Variants in ACVR2A observed in about 807,000 individuals in gnomAD.
ACVR2A encodes activin A receptor type 2A.
ACVR2A carries 7 observed loss-of-function variants against 61.4 expected under a neutral mutation model. The observed-to-expected ratio is 0.11, with a 90% CI of 0.06 to 0.21. ACVR2A has a LOEUF of 0.21. Ranked by LOEUF, ACVR2A falls within the 10% of genes least tolerant of loss-of-function variation. The pLI is 1.00. For missense variants in ACVR2A, 322 were observed against 621.7 expected (o/e 0.52, Z 5.13); for synonymous variants, 193 against 208.3 (o/e 0.93, Z 0.63).
chr2:147,860,316 G>A lies in ACVR2A; in HGVS notation c.55+15109G>A, dbSNP rs193001369. On this transcript the variant is annotated intron_variant, in intron 1 of 10. Coordinates refer to ENST00000241416, the MANE Select transcript of ACVR2A (RefSeq NM_001616.5). ...GAAACCCAAGTAGCAGGGCCACCTG[G>A]CCACCCAGATGGGTTGGCTGTTCCC... 4.1e-3 allele frequency among the ~76,000 whole-genome samples: 628 copies of A among 152,138 alleles called. 16 individuals carry two copies. Among genetic ancestry groups the A allele is most frequent in the Admixed American group, 0.04 (603 of 15,254 alleles).
chr2:147,900,374 T>A (rs1488194391), intron 4 of ACVR2A: 1 of 152,784 alleles, frequency 6.5e-6, no homozygotes, highest in African/African-American at 2.4e-5. Context: ...TTCAGGAAGA[T>A]ACCTCCATAA....
At position 147,890,328 on chromosome 2, in the gene ACVR2A, G is replaced by A. The variant is rs555537760; in HGVS notation, c.56-5973G>A. 2.1e-4 allele frequency among the ~76,000 whole-genome samples: 28 copies of A among 135,714 alleles called. No homozygotes were observed. In the South Asian group the frequency reaches 7.1e-3, roughly 35 times the overall value. The allele number at this position is 135,714 out of a possible 152,430, so 89.0% of individuals were successfully genotyped here. ...TTCCGTAGTTGAGAGGAAGTCCATG[G>A]CACCATTAGTATAGTGTGTGTGTGT... is the stretch of plus-strand genomic sequence containing the variant. On this transcript the variant is annotated intron_variant, in intron 1 of 10. Coordinates refer to ENST00000241416, the MANE Select transcript of ACVR2A (RefSeq NM_001616.5).
At chr2:147,920,776 G>C (rs1558814680) in intron 8 of ACVR2A, among the ~76,000 whole-genome samples, 1 of 152,032 alleles carries the variant, frequency 6.6e-6, no homozygotes, top group East Asian at 1.9e-4. Context: ...ATTGCTTCTT[G>C]TTGTTTATTG....
chr2:147,899,105 C>T (rs577862561), intron 2 of ACVR2A, among the ~76,000 whole-genome samples: 1 of 152,186 alleles, frequency 6.6e-6, no homozygotes, highest in South Asian at 2.1e-4. Flanking sequence ...AGCAAAAGCA[C>T]TCTTTGACCA....
chr2:147,895,649 G>A (rs939094292), intron 1 of ACVR2A, among the ~76,000 whole-genome samples: 20 of 152,088 alleles, frequency 1.3e-4, no homozygotes, highest in African/African-American at 4.8e-5. Context: ...AACAGAAGGT[G>A]TAAACTTACA....
intron 6 of ACVR2A, among the ~76,000 whole-genome samples, chr2:147,917,676 C>T (rs1687281714): frequency 6.6e-6 from 1 of 151,942 alleles, no homozygotes; most frequent in East Asian, 1.9e-4. Context: ...ATTTCTTGTG[C>T]TGTAATTACT....
intron 9 of ACVR2A, among the ~76,000 whole-genome samples, chr2:147,924,819 A>G (rs1025740767): frequency 6.6e-6 from 1 of 151,894 alleles, no homozygotes; most frequent in Non-Finnish European, 1.5e-5. Context: ...GAAGCCTGAG[A>G]GTCTACATTT....
chr2:147,858,894 A>AT (rs1291568531), intron 1 of ACVR2A, among the ~76,000 whole-genome samples: 3 of 151,750 alleles, frequency 2.0e-5, no homozygotes, highest in Non-Finnish European at 2.9e-5. Context: ...TATTATTTTG[A>AT]TTTTTTTTCA....
chr2:147,913,212 T>C lies in ACVR2A; in HGVS notation c.529-1979T>C, dbSNP rs1573704403. Among the ~76,000 whole-genome samples the C allele has an allele frequency of 2.0e-5, 3 of 151,974 alleles. No individual in the cohort carries two copies. The South Asian group carries it at 6.2e-4, about 31-fold the overall frequency. On this transcript the variant is annotated intron_variant, in intron 4 of 10. Transcript: ENST00000241416. The stretch of plus-strand genomic sequence containing the variant: ...ATTAAATAATCTATATCTTACAGAC[T>C]GAATCATATTCATGTTGTTGATGTC...
intron 4 of ACVR2A, among the ~76,000 whole-genome samples, chr2:147,900,845 A>C (rs1354313085): frequency 1.3e-5 from 2 of 152,036 alleles, no homozygotes; most frequent in African/African-American, 4.8e-5. Context: ...ACTTGATAGA[A>C]AAAAATGGCA....
intron 1 of ACVR2A, among the ~76,000 whole-genome samples, chr2:147,870,983 T>C (rs1190214287): frequency 6.6e-6 from 1 of 152,138 alleles, no homozygotes; most frequent in African/African-American, 2.4e-5. Flanking sequence ...TATAAATTAT[T>C]TTCAATAAAT....
Position 147,899,547 on chromosome 2 carries a change from C to T in ACVR2A, c.353C>T (p.Pro118Leu), listed in dbSNP as rs1686822430. 1 of 1,612,906 alleles carries T rather than the reference C, an allele frequency of 6.2e-7. No individual in the cohort carries two copies. Among genetic ancestry groups the T allele is most frequent in the Non-Finnish European group, 8.5e-7 (1 of 1,179,326 alleles). Residue 118 changes from proline (P) to leucine (L), a missense_variant, in exon 3 of 11, where the codon CCG becomes CTG. This residue lies in a region of ACVR2A where 142 missense variants were observed against 200.3 expected (regional missense o/e 0.71). Coordinates refer to ENST00000241416, the MANE Select transcript of ACVR2A (RefSeq NM_001616.5). Reference protein sequence around the residue: ...NMCNEKFSYFPEMEVTQPTSN... With the variant: ...NMCNEKFSYFLEMEVTQPTSN... Reference sequence around the variant, plus strand: ...TGTAATGAAAAGTTTTCTTATTTTCCGGAGATGGAAGTCACACAGCGTAAG... The same window carrying T: ...TGTAATGAAAAGTTTTCTTATTTTCTGGAGATGGAAGTCACACAGCGTAAG...
intron 4 of ACVR2A, among the ~76,000 whole-genome samples, chr2:147,906,930 G>A (rs537581499): frequency 4.0e-5 from 6 of 149,916 alleles, no homozygotes; most frequent in Non-Finnish European, 5.9e-5. Context: ...CTATCAACCC[G>A]TCAGCTAGGT....
chr2:147,882,818 A>T (rs1686340573), intron 1 of ACVR2A, among the ~76,000 whole-genome samples: 1 of 151,416 alleles, frequency 6.6e-6, no homozygotes, highest in Admixed American at 6.6e-5. Flanking sequence ...GACAAGAGGA[A>T]AAAAAATTTC....
chr2:147,874,362 C>T (rs984812240), intron 1 of ACVR2A, among the ~76,000 whole-genome samples: 1 of 151,794 alleles, frequency 6.6e-6, no homozygotes, highest in Admixed American at 6.6e-5. Flanking sequence ...GACACATCTT[C>T]CTGTTATTTG....
chr2:147,923,440 G>A (rs904574451), intron 9 of ACVR2A, among the ~76,000 whole-genome samples: 17 of 152,124 alleles, frequency 1.1e-4, no homozygotes, highest in Admixed American at 8.5e-4. Flanking sequence ...GCCTACTTTA[G>A]CCTCAAACTG....
chr2:147,868,796 AT>A (rs958063001), intron 1 of ACVR2A, among the ~76,000 whole-genome samples: 2 of 151,628 alleles, frequency 1.3e-5, no homozygotes, highest in African/African-American at 4.8e-5. Flanking sequence ...CACCTGGCTA[AT>A]TTTTTAATTT....
intron 1 of ACVR2A, among the ~76,000 whole-genome samples, chr2:147,861,061 T>C (rs1685715832): frequency 6.6e-6 from 1 of 152,194 alleles, no homozygotes; most frequent in Non-Finnish European, 1.5e-5. Context: ...CTTTACACAG[T>C]TGTTATAAAG....
intron 1 of ACVR2A, among the ~76,000 whole-genome samples, chr2:147,873,845 G>T (rs2105161000): frequency 6.6e-6 from 1 of 152,006 alleles, no homozygotes; most frequent in African/African-American, 2.4e-5. Context: ...TCATCCAAGG[G>T]CTTTTTAGCC....
Sources: gnomAD v4.1 joint callset for allele counts (sites outside exome capture counted in the v4.1 genomes callset) on GRCh38, gnomAD v4.1.1 for gene constraint, gnomAD v4.1.1 regional missense constraint, MANE v1.5 for transcripts, NCBI Gene and HGNC (gene_info 2026-07-23, HGNC 2026-07-21) for gene names.